The following HS3ST4 variants were observed in gnomAD, a reference collection of about 807,000 sequenced individuals.
The protein encoded by HS3ST4 is heparan sulfate glucosamine 3-O-sulfotransferase 4.
Under a neutral mutation model 29.2 loss-of-function variants are expected in HS3ST4, and 17 were observed. The observed-to-expected ratio is 0.58, with a 90% CI of 0.40 to 0.87. The LOEUF (loss-of-function observed/expected upper bound fraction) is 0.87, where lower values mean the gene tolerates loss of function less well. Among genes scored for constraint, HS3ST4 ranks in the 40% least tolerant of loss-of-function variants. The pLI, the probability that HS3ST4 is intolerant of heterozygous loss-of-function variation, is 0.00. For synonymous variants in HS3ST4, 314 were observed against 285.7 expected, an observed-to-expected ratio of 1.10 and a Z score of -1.00; for missense variants, 627 against 634.5, an observed-to-expected ratio of 0.99 and a Z score of 0.13.
At chr16:25,950,469 T>C (rs1435227365) in intron 1 of HS3ST4, among the ~76,000 whole-genome samples, 1 of 151,968 alleles carries the variant, frequency 6.6e-6, no homozygotes. Context: ...GGATAGATCT[T>C]TGGATGAATG....
chr16:25,799,658 G>A (rs1218859810), intron 1 of HS3ST4, among the ~76,000 whole-genome samples: 1 of 152,056 alleles, frequency 6.6e-6, no homozygotes, highest in Admixed American at 6.6e-5. Flanking sequence ...GTGGTCTTGG[G>A]CATATGATTG....
At chr16:26,046,417 C>G (rs958563841) in intron 1 of HS3ST4, among the ~76,000 whole-genome samples, 1 of 152,138 alleles carries the variant, frequency 6.6e-6, no homozygotes, top group African/African-American at 2.4e-5. Context: ...TCCCAAAGTG[C>G]TGGGATTACA....
chr16:25,776,132 G>A (rs369360740), intron 1 of HS3ST4, among the ~76,000 whole-genome samples: 8 of 152,192 alleles, frequency 5.3e-5, no homozygotes, highest in East Asian at 3.9e-4. Context: ...CCTTGATTTG[G>A]CTCAGAGTTT....
At chr16:25,851,003 T>C (rs1397410493) in intron 1 of HS3ST4, among the ~76,000 whole-genome samples, 2 of 152,240 alleles carry the variant, frequency 1.3e-5, no homozygotes, top group Non-Finnish European at 2.9e-5. Flanking sequence ...TTCCAGAGTT[T>C]AGTGGCTGGC....
intron 1 of HS3ST4, among the ~76,000 whole-genome samples, chr16:25,811,422 CTT>C (rs5816324): frequency 5.0e-4 from 64 of 129,068 alleles, no homozygotes; most frequent in African/African-American, 5.4e-4. Context: ...TTTTCTTCTT[CTT>C]TTTTTTTTTT....
At chr16:25,995,059 A>T (rs1303488557) in intron 1 of HS3ST4, among the ~76,000 whole-genome samples, 1 of 152,184 alleles carries the variant, frequency 6.6e-6, no homozygotes, top group Non-Finnish European at 1.5e-5. Context: ...TTCATGAAAG[A>T]CATAAAGTTC....
chr16:25,950,563 A>G (rs1444379211), intron 1 of HS3ST4, among the ~76,000 whole-genome samples: 1 of 151,932 alleles, frequency 6.6e-6, no homozygotes, highest in Non-Finnish European at 1.5e-5. Context: ...AGATCCAACT[A>G]TTTTTTGCCT....
intron 1 of HS3ST4, among the ~76,000 whole-genome samples, chr16:26,019,506 C>T (rs1969391591): frequency 6.6e-6 from 1 of 151,242 alleles, no homozygotes; most frequent in Non-Finnish European, 1.5e-5. Flanking sequence ...AACAGGAGGG[C>T]AATCAGAGTA....
intron 1 of HS3ST4, among the ~76,000 whole-genome samples, chr16:26,099,856 T>C (rs1321089067): frequency 6.6e-6 from 1 of 151,944 alleles, no homozygotes. Flanking sequence ...TGGTGATAAG[T>C]ATTAGGGAGA....
At chr16:25,867,604 ACAC>A (rs1296723387) in intron 1 of HS3ST4, among the ~76,000 whole-genome samples, 1 of 152,174 alleles carries the variant, frequency 6.6e-6, no homozygotes, top group African/African-American at 2.4e-5. Flanking sequence ...GCACACACAC[ACAC>A]AATTGCTCAA....
intron 1 of HS3ST4, among the ~76,000 whole-genome samples, chr16:25,715,651 A>G (rs1355985420): frequency 6.6e-6 from 1 of 152,248 alleles, no homozygotes; most frequent in Admixed American, 6.5e-5. Flanking sequence ...GTGAGGCCAA[A>G]GATTCCTTTT....
intron 1 of HS3ST4, among the ~76,000 whole-genome samples, chr16:26,075,499 A>G (rs554683617): frequency 2.0e-5 from 3 of 152,342 alleles, no homozygotes; most frequent in South Asian, 4.1e-4. Context: ...AGTATTTTCC[A>G]TTGGAATTTG....
At chr16:25,789,242 C>T (rs1002960640) in intron 1 of HS3ST4, among the ~76,000 whole-genome samples, 2 of 152,092 alleles carry the variant, frequency 1.3e-5, no homozygotes, top group African/African-American at 4.8e-5. Context: ...TTCTCCTCCT[C>T]CTCCAACTGG....
chr16:25,761,245 A>T (rs1025746246), intron 1 of HS3ST4, among the ~76,000 whole-genome samples: 1 of 152,084 alleles, frequency 6.6e-6, no homozygotes, highest in Non-Finnish European at 1.5e-5. Context: ...GCTGCCATCC[A>T]ATTCACGGGG....
At chr16:25,987,619 T>C (rs985455132) in intron 1 of HS3ST4, among the ~76,000 whole-genome samples, 3 of 152,148 alleles carry the variant, frequency 2.0e-5, no homozygotes, top group Non-Finnish European at 4.4e-5. Flanking sequence ...AACTTCACCC[T>C]TGGGAGTCTA....
chr16:25,770,683 CT>C (rs1966840732), intron 1 of HS3ST4, among the ~76,000 whole-genome samples: 2 of 152,198 alleles, frequency 1.3e-5, no homozygotes, highest in Non-Finnish European at 2.9e-5. Context: ...AATGGCTGCC[CT>C]GCTTTTTGTA....
intron 1 of HS3ST4, among the ~76,000 whole-genome samples, chr16:25,697,187 T>A (rs1336170559): frequency 2.6e-5 from 4 of 152,188 alleles, no homozygotes; most frequent in African/African-American, 9.7e-5. Flanking sequence ...GTGAATAAGA[T>A]AGATGAAGCA....
intron 1 of HS3ST4, among the ~76,000 whole-genome samples, chr16:25,805,895 C>T (rs1966986083): frequency 6.6e-6 from 1 of 152,022 alleles, no homozygotes; most frequent in Admixed American, 6.6e-5. Context: ...GTGTTTTTCC[C>T]CTTTCTGTGT....
intron 1 of HS3ST4, among the ~76,000 whole-genome samples, chr16:25,973,674 T>C (rs986693886): frequency 1.3e-5 from 2 of 152,226 alleles, no homozygotes; most frequent in South Asian, 4.1e-4. Context: ...AAATGATTTT[T>C]TCCGACCTTG....
Sources: gnomAD v4.1 joint callset for allele counts (sites outside exome capture counted in the v4.1 genomes callset) on GRCh38, gnomAD v4.1.1 for gene constraint, MANE v1.5 for transcripts, NCBI Gene and HGNC (gene_info 2026-07-23, HGNC 2026-07-21) for gene names.